The following SH3D19 variants were observed in gnomAD, a reference collection of about 807,000 sequenced individuals.
SH3D19 encodes SH3 domain containing 19, also known as SH3 domain-containing protein 19.
A neutral mutation model predicts 112.1 loss-of-function variants in SH3D19; 58 were observed. The ratio of observed to expected loss-of-function variants is 0.52; its 90% confidence interval spans 0.42 to 0.64. The LOEUF (loss-of-function observed/expected upper bound fraction) is 0.64. Among genes scored for constraint, SH3D19 ranks in the 30% least tolerant of loss-of-function variants. The probability of loss-of-function intolerance (pLI) is 0.00; values close to 1 mark genes in which losing one functional copy is unlikely to be tolerated. For synonymous variants in SH3D19, 391 were observed against 448.5 expected, an observed-to-expected ratio of 0.87 and a Z score of 1.62; for missense variants, 1,090 against 1,263.4, an observed-to-expected ratio of 0.86 and a Z score of 2.08.
intron 2 of SH3D19, among the ~76,000 whole-genome samples, chr4:151,225,115 T>C (rs1768777085): frequency 6.6e-6 from 1 of 152,208 alleles, no homozygotes; most frequent in African/African-American, 2.4e-5. Context: ...AATGAAATTT[T>C]TATAGATCTT....
At chr4:151,138,583 T>C (rs1215609559) in intron 13 of SH3D19, among the ~76,000 whole-genome samples, 2 of 151,012 alleles carry the variant, frequency 1.3e-5, no homozygotes. Context: ...TAGTCCTAGC[T>C]ACTGGGGAAG....
At chr4:151,218,767 TA>T (rs1561365059) in intron 2 of SH3D19, among the ~76,000 whole-genome samples, 10 of 152,200 alleles carry the variant, frequency 6.6e-5, no homozygotes, top group Non-Finnish European at 1.5e-5. Context: ...TACCTATACG[TA>T]GTCATAAAAA....
At chr4:151,280,529 T>C (rs1351652671) in intron 1 of SH3D19, among the ~76,000 whole-genome samples, 2 of 152,240 alleles carry the variant, frequency 1.3e-5, no homozygotes, top group Admixed American at 6.5e-5. Flanking sequence ...TAAATATTTG[T>C]TGTTTTAAGC....
chr4:151,136,460 A>G (rs1751874305), intron 14 of SH3D19, among the ~76,000 whole-genome samples: 1 of 152,192 alleles, frequency 6.6e-6, no homozygotes, highest in African/African-American at 2.4e-5. Context: ...CCAAGCACTT[A>G]ATATAATATC....
At chr4:151,173,286 C>T (rs1241047516) in intron 7 of SH3D19, among the ~76,000 whole-genome samples, 1 of 152,152 alleles carries the variant, frequency 6.6e-6, no homozygotes, top group Admixed American at 6.5e-5. Flanking sequence ...ATGGTATTAT[C>T]AAAGACTTGA....
intron 1 of SH3D19, among the ~76,000 whole-genome samples, chr4:151,253,109 C>A (rs1208019607): frequency 6.6e-6 from 1 of 152,232 alleles, no homozygotes; most frequent in Non-Finnish European, 1.5e-5. Flanking sequence ...TCCCATACTA[C>A]TAAGAATAAA....
At chr4:151,160,090 T>TA (rs1245435218) in intron 8 of SH3D19, among the ~76,000 whole-genome samples, 5 of 149,480 alleles carry the variant, frequency 3.3e-5, no homozygotes, top group African/African-American at 7.3e-5. Flanking sequence ...TTTATTTCTT[T>TA]TTTTTTTTTT....
At chr4:151,155,759 C>T (rs763954211) in intron 9 of SH3D19, among the ~76,000 whole-genome samples, 10 of 152,020 alleles carry the variant, frequency 6.6e-5, no homozygotes, top group Admixed American at 2.0e-4. Context: ...CATGGTGGTG[C>T]GCACCTGTAG....
chr4:151,215,175 G>A (rs1191853522), intron 2 of SH3D19, among the ~76,000 whole-genome samples: 2 of 152,154 alleles, frequency 1.3e-5, no homozygotes, highest in Non-Finnish European at 2.9e-5. Context: ...TCCTGCCTTG[G>A]CCTCCCAAAG....
chr4:151,132,894 C>T, intron 16 of SH3D19, 140 bp downstream of exon 16: 1 of 783,654 alleles, frequency 1.3e-6, no homozygotes, highest in Non-Finnish European at 2.0e-6. Context: ...CTATCCCACA[C>T]AAATTCCCAT....
At chr4:151,279,831 G>C (rs1357965485) in intron 1 of SH3D19, 6 of 1,613,584 alleles carry the variant, frequency 3.7e-6, no homozygotes, top group Non-Finnish European at 5.1e-6. Context: ...CCGCGTTGTA[G>C]GTGGCCAGGA....
chr4:151,268,363 G>C (rs536189459), intron 1 of SH3D19, among the ~76,000 whole-genome samples: 2 of 152,276 alleles, frequency 1.3e-5, no homozygotes, highest in South Asian at 2.1e-4. Flanking sequence ...AGCAGTGAGT[G>C]AATGTGAACG....
chr4:151,261,957 T>C (rs1187910707), intron 1 of SH3D19, among the ~76,000 whole-genome samples: 1 of 152,078 alleles, frequency 6.6e-6, no homozygotes, highest in Non-Finnish European at 1.5e-5. Context: ...GCTAGGAGAG[T>C]ACAGCTTCAT....
intron 2 of SH3D19, among the ~76,000 whole-genome samples, chr4:151,191,577 A>G (rs1226872321): frequency 6.6e-6 from 1 of 152,148 alleles, no homozygotes; most frequent in Admixed American, 6.5e-5. Flanking sequence ...TCCCCTGTAC[A>G]AGGCATGTAA....
chr4:151,213,323 A>AT (rs1287370566), intron 2 of SH3D19, among the ~76,000 whole-genome samples: 2 of 152,222 alleles, frequency 1.3e-5, no homozygotes, highest in African/African-American at 4.8e-5. Context: ...GAGTCAATCG[A>AT]TGTGGCAAAC....
intron 1 of SH3D19, among the ~76,000 whole-genome samples, chr4:151,318,283 A>G (rs577838776): frequency 2.1e-5 from 3 of 144,684 alleles, no homozygotes; most frequent in African/African-American, 7.7e-5. Flanking sequence ...CCTAGGCGAC[A>G]GAGTGAGACT....
chr4:151,158,966 T>A (rs1170099483), intron 9 of SH3D19, among the ~76,000 whole-genome samples: 1 of 152,144 alleles, frequency 6.6e-6, no homozygotes, highest in African/African-American at 2.4e-5. Flanking sequence ...AATAACCTTC[T>A]CCTTATTAGT....
chr4:151,285,841 A>G (rs12509608), intron 1 of SH3D19, among the ~76,000 whole-genome samples: 121,523 of 151,716 alleles, frequency 0.8, 51,769 homozygotes, highest in Non-Finnish European at 0.96. Context: ...CACTCCAGCC[A>G]GGACAACAGA....
At chr4:151,204,823 C>G (rs551034264) in intron 2 of SH3D19, among the ~76,000 whole-genome samples, 1 of 152,170 alleles carries the variant, frequency 6.6e-6, no homozygotes, top group African/African-American at 2.4e-5. Context: ...CAAGTCTGTT[C>G]TTTTTTTCTT....
Sources: allele counts gnomAD v4.1 joint callset (sites outside exome capture counted in the v4.1 genomes callset), GRCh38; gene constraint gnomAD v4.1.1; transcripts MANE v1.5; gene names NCBI Gene and HGNC (gene_info 2026-07-23, HGNC 2026-07-21).